CCDC171: variants seen among roughly 807,000 people sequenced by gnomAD.
CCDC171 encodes the protein coiled-coil domain containing 171.
CCDC171 carries 177 observed loss-of-function variants against 168.2 expected under a neutral mutation model. That is an observed-to-expected ratio of 1.05 (90% confidence interval 0.93 to 1.19). The LOEUF (loss-of-function observed/expected upper bound fraction) is 1.19, where lower values mean the gene tolerates loss of function less well. Ranked by LOEUF, CCDC171 falls within the 50% of genes most tolerant of loss-of-function variation. The pLI is 0.00. For synonymous variants in CCDC171, 687 were observed against 540.8 expected (o/e 1.27, Z -3.75); for missense variants, 1,991 against 1,539.0 (o/e 1.29, Z -4.91).
intron 18 of CCDC171, among the ~76,000 whole-genome samples, chr9:15,773,111 A>G (rs916060838): frequency 1.3e-5 from 2 of 152,122 alleles, no homozygotes; most frequent in Non-Finnish European, 2.9e-5. Context: ...ATATTTCTCA[A>G]TCTTTGAGTA....
intron 8 of CCDC171, among the ~76,000 whole-genome samples, chr9:15,658,841 A>T (rs2048120499): frequency 6.6e-6 from 1 of 152,214 alleles, no homozygotes; most frequent in Admixed American, 6.5e-5. Flanking sequence ...TGACCTCCAC[A>T]ACTGTAAGAT....
intron 23 of CCDC171, among the ~76,000 whole-genome samples, chr9:15,851,778 T>C (rs1424738193): frequency 6.6e-6 from 1 of 151,918 alleles, no homozygotes; most frequent in Non-Finnish European, 1.5e-5. Flanking sequence ...ACCTGCCTTC[T>C]GTCTCTATGG....
chr9:15,778,384 A>T (rs2057458992), intron 19 of CCDC171, among the ~76,000 whole-genome samples: 1 of 145,734 alleles, frequency 6.9e-6, no homozygotes, highest in Non-Finnish European at 1.5e-5. Flanking sequence ...GATGCCTGTA[A>T]TCCCAGTACT....
intron 24 of CCDC171, among the ~76,000 whole-genome samples, chr9:15,878,199 C>T (rs926061242): frequency 3.3e-5 from 5 of 152,082 alleles, no homozygotes; most frequent in African/African-American, 1.2e-4. Flanking sequence ...AGACAACCTA[C>T]AGAATGGGGA....
intron 8 of CCDC171, among the ~76,000 whole-genome samples, chr9:16,037,240 A>G (rs1833488177): frequency 1.3e-5 from 2 of 152,236 alleles, no homozygotes; most frequent in African/African-American, 4.8e-5. Context: ...ATATATGAAA[A>G]TGCCACTCTG....
At position 15,997,651 on chromosome 9, in the gene CCDC171, C is replaced by G. The variant is rs115879898; in HGVS notation, n.369-22938C>G. On this transcript the variant is annotated intron_variant and non_coding_transcript_variant, in intron 3 of 9. Coordinates refer to the CCDC171 transcript ENST00000486641. The stretch of plus-strand genomic sequence containing the variant: ...AGTGCTATAAATGATACTCACTCTT[C>G]TCCACTATCCATTTAAAATTCCCTT... Among the ~76,000 whole-genome samples the G allele has an allele frequency of 5.1e-3, 784 of 152,318 alleles. 5 individuals are homozygous for G. Among genetic ancestry groups the G allele is most frequent in the African/African-American group, 0.018 (768 of 41,566 alleles).
intron 10 of CCDC171, among the ~76,000 whole-genome samples, chr9:15,688,981 A>C (rs2050601042): frequency 6.6e-6 from 1 of 152,210 alleles, no homozygotes; most frequent in African/African-American, 2.4e-5. Context: ...TGCAGAGAAA[A>C]TTATTAGAGC....
At chr9:15,792,340 C>G (rs1238915911) in intron 21 of CCDC171, among the ~76,000 whole-genome samples, 1 of 152,192 alleles carries the variant, frequency 6.6e-6, no homozygotes, top group Non-Finnish European at 1.5e-5. Flanking sequence ...ACCAGATCTA[C>G]GTCTGTTTGG....
Position 15,819,045 on chromosome 9 carries a change from T to A in CCDC171, c.3268-27657T>A, listed in dbSNP as rs1433306274. Among the ~76,000 whole-genome samples, 95 of 116,482 alleles carry A rather than the reference T, an allele frequency of 8.2e-4. 24 individuals are homozygous for A. Among genetic ancestry groups the A allele is most frequent in the African/African-American group, 2.9e-3 (89 of 30,824 alleles). The allele number at this position is 116,482 out of a possible 152,430, so 76.4% of individuals were successfully genotyped here. The stretch of plus-strand genomic sequence containing the variant: ...GAGAGTGGGGGCCAATATTCAACAT[T>A]CTTAAAGAAAAGAATTTTCAACCCA... On this transcript the variant is annotated intron_variant, in intron 21 of 25. Transcript: ENST00000380701.
intron 7 of CCDC171, among the ~76,000 whole-genome samples, chr9:15,654,133 T>C (rs2047739103): frequency 6.6e-6 from 1 of 152,178 alleles, no homozygotes; most frequent in Middle Eastern, 3.2e-3. Flanking sequence ...TTCAAAGTAT[T>C]ATTTTATCCT....
At chr9:15,690,943 C>T (rs1343624623) in intron 10 of CCDC171, among the ~76,000 whole-genome samples, 1 of 152,050 alleles carries the variant, frequency 6.6e-6, no homozygotes. Flanking sequence ...GTTGATAATG[C>T]CTACTATTGG....
intron 24 of CCDC171, among the ~76,000 whole-genome samples, chr9:15,892,000 T>A (rs1820278335): frequency 6.6e-6 from 1 of 152,152 alleles, no homozygotes; most frequent in Admixed American, 6.5e-5. Context: ...CCCCCATCTT[T>A]TTCTTACTAA....
At chr9:15,809,025 A>G (rs1365494579) in intron 21 of CCDC171, among the ~76,000 whole-genome samples, 2 of 152,074 alleles carry the variant, frequency 1.3e-5, no homozygotes, top group Non-Finnish European at 2.9e-5. Flanking sequence ...TATTTATATA[A>G]GGGCACTAAT....
At chr9:15,565,287 T>A (rs1279201935) in intron 2 of CCDC171, among the ~76,000 whole-genome samples, 1 of 152,114 alleles carries the variant, frequency 6.6e-6, no homozygotes. Context: ...TTAGAATATT[T>A]CACCTTATTT....
the CCDC171 span, among the ~76,000 whole-genome samples, chr9:16,107,411 C>T: frequency 1.3e-5 from 2 of 152,068 alleles, no homozygotes; most frequent in East Asian, 3.9e-4. Flanking sequence ...TTCTTTTATC[C>T]CCAAGAACAA....
At chr9:15,864,707 C>A (rs1179245778) in intron 23 of CCDC171, among the ~76,000 whole-genome samples, 2 of 151,972 alleles carry the variant, frequency 1.3e-5, no homozygotes, top group Admixed American at 1.3e-4. Context: ...AGGATAATGT[C>A]TGGATTGTTT....
At chr9:15,641,556 G>C (rs969039116) in intron 7 of CCDC171, among the ~76,000 whole-genome samples, 2 of 152,310 alleles carry the variant, frequency 1.3e-5, no homozygotes, top group African/African-American at 2.4e-5. Context: ...TGTTTGGTTA[G>C]TTCTGCTGCT....
At chr9:15,890,003 A>G (rs530488165) in intron 24 of CCDC171, among the ~76,000 whole-genome samples, 2 of 152,320 alleles carry the variant, frequency 1.3e-5, no homozygotes, top group Non-Finnish European at 2.9e-5. Context: ...ACTTAATAGT[A>G]TTTAGAGACC....
chr9:15,600,510 G>A lies in CCDC171; in HGVS notation c.675+6338G>A, dbSNP rs1564021381. 2.0e-5 allele frequency among the ~76,000 whole-genome samples: 3 copies of A among 152,294 alleles called. No individual in the cohort carries two copies. The South Asian group carries it at 6.2e-4, about 32-fold the overall frequency. ...GTTCTTCTGGAAGTTTTGTCGCAGAGGAGTACCCGGCCGTGTGAGGTGTCA... is the reference window on the plus strand; with the variant it reads ...GTTCTTCTGGAAGTTTTGTCGCAGAAGAGTACCCGGCCGTGTGAGGTGTCA... On this transcript the variant is annotated intron_variant, in intron 6 of 25. Coordinates refer to ENST00000380701, the MANE Select transcript of CCDC171 (RefSeq NM_173550.4).
Sources: allele counts gnomAD v4.1 joint callset (sites outside exome capture counted in the v4.1 genomes callset), GRCh38; gene constraint gnomAD v4.1.1; transcripts MANE v1.5; gene names NCBI Gene and HGNC (gene_info 2026-07-23, HGNC 2026-07-21).